Variants in GRM8 observed in about 807,000 individuals in gnomAD.
The protein encoded by GRM8 is metabotropic glutamate receptor 8.
GRM8 carries 47 observed loss-of-function variants against 87.2 expected under a neutral mutation model. The ratio of observed to expected loss-of-function variants is 0.54; its 90% CI spans 0.43 to 0.69. The LOEUF (loss-of-function observed/expected upper bound fraction) is 0.69, where lower values mean the gene tolerates loss of function less well. Ranked by LOEUF, GRM8 falls within the 30% of genes least tolerant of loss-of-function variation. The probability of loss-of-function intolerance (pLI) is 0.00; values close to 1 mark genes in which losing one functional copy is unlikely to be tolerated. For missense variants in GRM8, 1,019 were observed against 1,139.2 expected (o/e 0.89, Z 1.52); for synonymous variants, 396 against 404.5 (o/e 0.98, Z 0.25).
intron 3 of GRM8, among the ~76,000 whole-genome samples, chr7:126,963,248 T>A (rs1450513292): frequency 1.3e-5 from 2 of 152,240 alleles, no homozygotes; most frequent in Admixed American, 1.3e-4. Flanking sequence ...CTATTTCATT[T>A]TTGCATATCT....
chr7:126,472,232 G>C (rs1207251564), intron 9 of GRM8, among the ~76,000 whole-genome samples: 1 of 152,176 alleles, frequency 6.6e-6, no homozygotes, highest in African/African-American at 2.4e-5. Context: ...ATGTTGAATA[G>C]GAGTGGTGAG....
chr7:127,180,047 TA>T (rs2116399334), intron 2 of GRM8, among the ~76,000 whole-genome samples: 1 of 151,786 alleles, frequency 6.6e-6, no homozygotes, highest in East Asian at 1.9e-4. Flanking sequence ...ACAAAAAAGA[TA>T]AATGAAACAA....
chr7:126,764,684 G>A (rs1428977820), intron 7 of GRM8, among the ~76,000 whole-genome samples: 1 of 151,978 alleles, frequency 6.6e-6, no homozygotes, highest in Admixed American at 6.6e-5. Context: ...TTGGAATATT[G>A]AGCACTGAAA....
intron 6 of GRM8, among the ~76,000 whole-genome samples, chr7:126,777,195 G>A (rs543300089): frequency 3.0e-4 from 46 of 152,134 alleles, no homozygotes; most frequent in African/African-American, 1.1e-3. Context: ...CTGATATGCT[G>A]GCTAAATGAA....
At chr7:126,740,434 G>A (rs1390980421) in intron 7 of GRM8, among the ~76,000 whole-genome samples, 2 of 152,090 alleles carry the variant, frequency 1.3e-5, no homozygotes, top group African/African-American at 4.8e-5. Context: ...GGTATGAAAA[G>A]GATCAGTGGC....
At chr7:126,791,223 C>A (rs989988284) in intron 6 of GRM8, among the ~76,000 whole-genome samples, 1 of 152,130 alleles carries the variant, frequency 6.6e-6, no homozygotes, top group African/African-American at 2.4e-5. Context: ...TACATTACTA[C>A]ATTTTTTTAA....
intron 3 of GRM8, among the ~76,000 whole-genome samples, chr7:127,042,482 T>C (rs566277914): frequency 1.3e-5 from 2 of 152,198 alleles, no homozygotes; most frequent in Non-Finnish European, 2.9e-5. Context: ...CTTTGCAGAT[T>C]GACAAACCTG....
chr7:126,739,282 C>G (rs1814642881), intron 7 of GRM8, among the ~76,000 whole-genome samples: 1 of 151,886 alleles, frequency 6.6e-6, no homozygotes. Context: ...AAGATATACT[C>G]CCTTTCCCCA....
At chr7:126,611,144 G>A (rs1488969287) in intron 7 of GRM8, among the ~76,000 whole-genome samples, 1 of 151,972 alleles carries the variant, frequency 6.6e-6, no homozygotes, top group Non-Finnish European at 1.5e-5. Context: ...CATTACTCAG[G>A]GAATAAAATA....
chr7:126,693,121 C>T (rs1289311223), intron 7 of GRM8, among the ~76,000 whole-genome samples: 2 of 152,172 alleles, frequency 1.3e-5, no homozygotes, highest in Non-Finnish European at 2.9e-5. Context: ...CTAAAGATCA[C>T]AGCAGTCATT....
At chr7:126,976,525 C>G (rs945278556) in intron 3 of GRM8, among the ~76,000 whole-genome samples, 2 of 151,988 alleles carry the variant, frequency 1.3e-5, no homozygotes, top group Admixed American at 1.3e-4. Context: ...ACCTAGGAGG[C>G]GGAGCTTGCA....
intron 1 of GRM8, among the ~76,000 whole-genome samples, chr7:127,249,393 A>G (rs1490937702): frequency 6.6e-6 from 1 of 152,170 alleles, no homozygotes; most frequent in Non-Finnish European, 1.5e-5. Context: ...TGCATTCTCA[A>G]AATGATTCCT....
intron 7 of GRM8, among the ~76,000 whole-genome samples, chr7:126,721,889 G>C (rs1039457769): frequency 1.3e-5 from 2 of 151,978 alleles, no homozygotes; most frequent in African/African-American, 2.4e-5. Flanking sequence ...TAGCTGTTCT[G>C]ATTTTTTTGT....
chr7:126,781,362 C>A (rs537708880), intron 6 of GRM8, among the ~76,000 whole-genome samples: 98 of 152,296 alleles, frequency 6.4e-4, no homozygotes, highest in Admixed American at 2.2e-3. Flanking sequence ...TACTTACAAT[C>A]TCCCTAGGTT....
chr7:126,785,585 T>C (rs1820537076), intron 6 of GRM8, among the ~76,000 whole-genome samples: 1 of 152,016 alleles, frequency 6.6e-6, no homozygotes, highest in Non-Finnish European at 1.5e-5. Context: ...TTTAGGAACC[T>C]TTCTTAAAAG....
In GRM8 at chr7:126,703,590, G is replaced by A. The variant is rs180815385; in HGVS notation, c.1357+66275C>T. ...TTTTTCGTTTTTTATACGAGGTCTC[G>A]TCTTTATCACTCAGGCTGAAGTGCA... On this transcript the variant is annotated intron_variant, in intron 7 of 10. Coordinates refer to ENST00000339582, the MANE Select transcript of GRM8 (RefSeq NM_000845.3). 3.8e-4 allele frequency among the ~76,000 whole-genome samples: 58 copies of A among 152,174 alleles called. No individual in the cohort carries two copies. The East Asian group carries it at 0.01, about 27-fold the overall frequency.
At chr7:126,940,226 G>A (rs562456027) in intron 3 of GRM8, among the ~76,000 whole-genome samples, 2 of 152,176 alleles carry the variant, frequency 1.3e-5, no homozygotes, top group Non-Finnish European at 1.5e-5. Flanking sequence ...AAGCTATTTA[G>A]CATGGCTTAT....
intron 3 of GRM8, among the ~76,000 whole-genome samples, chr7:127,041,569 G>A (rs1432547573): frequency 2.6e-5 from 4 of 152,218 alleles, no homozygotes; most frequent in Non-Finnish European, 5.9e-5. Context: ...GGCAATTATA[G>A]TACAATGTAT....
chr7:126,715,856 A>G (rs1466570207), intron 7 of GRM8, among the ~76,000 whole-genome samples: 1 of 152,190 alleles, frequency 6.6e-6, no homozygotes, highest in Non-Finnish European at 1.5e-5. Flanking sequence ...ATCACTGCCA[A>G]TGGCTTTTCT....
Sources: allele counts gnomAD v4.1 joint callset (sites outside exome capture counted in the v4.1 genomes callset), GRCh38; gene constraint gnomAD v4.1.1; transcripts MANE v1.5; gene names NCBI Gene and HGNC (gene_info 2026-07-23, HGNC 2026-07-21).